Variants in KIRREL3 observed in about 807,000 individuals in gnomAD.
KIRREL3 encodes the protein kirre like nephrin family adhesion molecule 3.
KIRREL3 carries 36 observed loss-of-function variants against 89.7 expected under a neutral mutation model. The observed-to-expected ratio is 0.40, with a 90% CI of 0.31 to 0.53. The LOEUF is 0.53. KIRREL3 is among the 20% of genes least tolerant of loss of function. KIRREL3 has a pLI of 0.49. For synonymous variants in KIRREL3, 445 were observed against 441.4 expected (o/e 1.01, Z -0.10); for missense variants, 864 against 1,056.6 (o/e 0.82, Z 2.53).
rs532476603 is a variant in KIRREL3 at position 126,917,838 on chromosome 11, C to T, written c.55+82617G>A. Among the ~76,000 whole-genome samples the T allele has an allele frequency of 3.3e-4, 51 of 152,300 alleles. No homozygotes were observed. The highest frequency in any genetic ancestry group is 1.1e-3 in the African/African-American group (46 of 41,566). On this transcript the variant is annotated intron_variant, in intron 1 of 16. Coordinates refer to ENST00000525144, the MANE Select transcript of KIRREL3 (RefSeq NM_032531.4). This position sits in a 1 kb window ranked among gnomAD's most constrained non-coding sequence, Gnocchi z 5.0. ...GAATTGAGGTGGCGTTTCTGAAGAA[C>T]GAGATGGTAAAAACAGTGGCATTTC...
rs994205631 is a variant in KIRREL3, at chr11:126,709,891, T to C, written c.56-146979A>G. Among the ~76,000 whole-genome samples, 7 of 152,084 alleles carry C rather than the reference T, an allele frequency of 4.6e-5. No individual in the cohort carries two copies. The highest frequency in any genetic ancestry group is 1.0e-4 in the Non-Finnish European group (7 of 68,024). ...GAGGCTGAGCACTGGGGCACGAGGG[T>C]AGGTAATGATGTGAGCTACCTTACT... On this transcript the variant is annotated intron_variant, in intron 1 of 16. Coordinates refer to ENST00000525144, the MANE Select transcript of KIRREL3 (RefSeq NM_032531.4). The surrounding 1 kb of genome is among the most constrained non-coding windows in gnomAD (Gnocchi z 4.0).
Position 126,709,032 on chromosome 11 carries a change from G to A in KIRREL3, c.56-146120C>T, listed in dbSNP as rs1947651830. Reference sequence around the variant, plus strand: ...GGACAGCTTGTGTTATCACGGCCAGGTGGATCTTTCTAGAACACCAAGCTC... The same window carrying A: ...GGACAGCTTGTGTTATCACGGCCAGATGGATCTTTCTAGAACACCAAGCTC... On this transcript the variant is annotated intron_variant, in intron 1 of 16. Transcript: ENST00000525144. The surrounding 1 kb of genome is among the most constrained non-coding windows in gnomAD (Gnocchi z 4.0). Among the ~76,000 whole-genome samples, 1 of 152,308 alleles carries A rather than the reference G, an allele frequency of 6.6e-6. No individual in the cohort carries two copies. The highest frequency in any genetic ancestry group is 2.1e-4 in the South Asian group (1 of 4,822).
Position 126,748,185 on chromosome 11 carries a change from G to T in KIRREL3, c.56-185273C>A, listed in dbSNP as rs1328694615. Among the ~76,000 whole-genome samples, 2 of 152,140 alleles carry T rather than the reference G, an allele frequency of 1.3e-5. No homozygotes were observed. The highest frequency in any genetic ancestry group is 2.9e-5 in the Non-Finnish European group (2 of 68,038). ...GGTGGCCCAGGGCCCATCATTTGGG[G>T]GCAAGAAGCTGCCTGGATGCTTTCT... On this transcript the variant is annotated intron_variant, in intron 1 of 16. Transcript: ENST00000525144. The surrounding 1 kb of genome is among the most constrained non-coding windows in gnomAD (Gnocchi z 4.6).
At chr11:126,893,543 A>G (rs997685220) in intron 1 of KIRREL3, among the ~76,000 whole-genome samples, 6 of 152,236 alleles carry the variant, frequency 3.9e-5, no homozygotes, top group African/African-American at 1.4e-4. Context: ...AAACGGAAAC[A>G]TTGAACCGGC....
intron 1 of KIRREL3, among the ~76,000 whole-genome samples, chr11:126,663,396 A>G (rs2135024824): frequency 6.6e-6 from 1 of 152,092 alleles, no homozygotes; most frequent in East Asian, 1.9e-4. Context: ...CATGTTAGCC[A>G]GGATGGTCTC....
In KIRREL3 at chr11:126,607,403, G is replaced by C. The variant is rs563975236; in HGVS notation, c.56-44491C>G. On this transcript the variant is annotated intron_variant, in intron 1 of 16. Coordinates refer to ENST00000525144, the MANE Select transcript of KIRREL3 (RefSeq NM_032531.4). The surrounding 1 kb of genome is among the most constrained non-coding windows in gnomAD (Gnocchi z 6.6). ...CTGGGAGAGGAAGGGCTGGAGGAGA[G>C]ATCAGGAAGGAGAGATCCACATCTG... Among the ~76,000 whole-genome samples the C allele has an allele frequency of 2.0e-3, 303 of 152,214 alleles. No homozygotes were observed. The highest frequency in any genetic ancestry group is 3.4e-3 in the Non-Finnish European group (231 of 68,012).
At chr11:126,681,763 C>T (rs1946467981) in intron 1 of KIRREL3, 1 of 389,396 alleles carries the variant, frequency 2.6e-6, no homozygotes, top group Non-Finnish European at 5.1e-6. Flanking sequence ...TAACTCCACT[C>T]CCATTCTCTT....
Position 126,928,534 on chromosome 11 carries a change from T to C in KIRREL3, c.55+71921A>G, listed in dbSNP as rs181973013. 4.6e-5 allele frequency among the ~76,000 whole-genome samples: 7 copies of C among 152,180 alleles called. No homozygotes were observed. The East Asian group carries it at 1.2e-3, about 25-fold the overall frequency. On this transcript the variant is annotated intron_variant, in intron 1 of 16. Coordinates refer to ENST00000525144, the MANE Select transcript of KIRREL3 (RefSeq NM_032531.4). ...AAAGAGGCCCTGCAGGCGGACACTG[T>C]CATGAGCTGGAGGCTGAAGCCTGGG...
Position 126,605,759 on chromosome 11 carries a change from G to C in KIRREL3, c.56-42847C>G, listed in dbSNP as rs998269522. ...GGATGCTGGGAGTGGGAATGGGGTGGGGAAAGCATGGGGCATATGGGTAGA... is the reference window on the plus strand; with the variant it reads ...GGATGCTGGGAGTGGGAATGGGGTGCGGAAAGCATGGGGCATATGGGTAGA... On this transcript the variant is annotated intron_variant, in intron 1 of 16. Coordinates refer to ENST00000525144, the MANE Select transcript of KIRREL3 (RefSeq NM_032531.4). This position sits in a 1 kb window ranked among gnomAD's most constrained non-coding sequence, Gnocchi z 5.7. 3.9e-5 allele frequency among the ~76,000 whole-genome samples: 6 copies of C among 152,226 alleles called. No individual in the cohort carries two copies. Among genetic ancestry groups the C allele is most frequent in the African/African-American group, 1.4e-4 (6 of 41,458 alleles).
intron 2 of KIRREL3, among the ~76,000 whole-genome samples, chr11:126,529,826 C>T (rs1555138301): frequency 6.7e-6 from 1 of 149,872 alleles, no homozygotes; most frequent in Non-Finnish European, 1.5e-5. Flanking sequence ...ACATTTGAGT[C>T]ACTATAATTA....
rs1362895197 is a variant in KIRREL3, at chr11:126,607,532, T to C, written c.56-44620A>G. ...TCAGGAGCAGGAACTGGGCTCCCGC[T>C]GGAGAGAAGCAGCGCTCCACGTTCA... On this transcript the variant is annotated intron_variant, in intron 1 of 16. Transcript: ENST00000525144. The surrounding 1 kb of genome is among the most constrained non-coding windows in gnomAD (Gnocchi z 6.6). Among the ~76,000 whole-genome samples, 1 of 152,114 alleles carries C rather than the reference T, an allele frequency of 6.6e-6. No homozygotes were observed. Among genetic ancestry groups the C allele is most frequent in the Non-Finnish European group, 1.5e-5 (1 of 67,998 alleles).
Position 126,601,821 on chromosome 11 carries a change from G to A in KIRREL3, c.56-38909C>T, listed in dbSNP as rs78303067. On this transcript the variant is annotated intron_variant, in intron 1 of 16. Coordinates refer to ENST00000525144, the MANE Select transcript of KIRREL3 (RefSeq NM_032531.4). The surrounding 1 kb of genome is among the most constrained non-coding windows in gnomAD (Gnocchi z 5.8). Reference sequence around the variant, plus strand: ...ATTTCTAGGAGCTCCATTCCCTCGTGCCATCTCCCGTTTTTAAGGACTGGA... The same window carrying A: ...ATTTCTAGGAGCTCCATTCCCTCGTACCATCTCCCGTTTTTAAGGACTGGA... Among the ~76,000 whole-genome samples the A allele has an allele frequency of 6.6e-6, 1 of 152,270 alleles. No individual in the cohort carries two copies. Among genetic ancestry groups the A allele is most frequent in the East Asian group, 1.9e-4 (1 of 5,176 alleles).
At chr11:126,732,600 A>G (rs542628514) in intron 1 of KIRREL3, among the ~76,000 whole-genome samples, 2 of 152,348 alleles carry the variant, frequency 1.3e-5, no homozygotes, top group African/African-American at 4.8e-5. Flanking sequence ...ACAGTGAGAG[A>G]GTGACTGTTT....
At position 126,578,547 on chromosome 11, in the gene KIRREL3, C is replaced by T. The variant is rs1163167154; in HGVS notation, c.56-15635G>A. 6.6e-6 allele frequency among the ~76,000 whole-genome samples: 1 copy of T among 152,126 alleles called. No individual in the cohort carries two copies. Among genetic ancestry groups the T allele is most frequent in the Admixed American group, 6.5e-5 (1 of 15,280 alleles). On this transcript the variant is annotated intron_variant, in intron 1 of 16. Coordinates refer to ENST00000525144, the MANE Select transcript of KIRREL3 (RefSeq NM_032531.4). This position sits in a 1 kb window ranked among gnomAD's most constrained non-coding sequence, Gnocchi z 4.9. ...TGTGGCGTGTCCCTGTGGGTGGACA[C>T]ATTGTGAACAGTAAGTATCATGAAT...
chr11:126,545,417 G>T (rs1399453371), intron 2 of KIRREL3, among the ~76,000 whole-genome samples: 1 of 152,078 alleles, frequency 6.6e-6, no homozygotes, highest in South Asian at 2.1e-4. Flanking sequence ...GGGGTGGGAG[G>T]TGTTCAGTCT....
intron 2 of KIRREL3, among the ~76,000 whole-genome samples, chr11:126,540,346 G>A (rs1471700046): frequency 6.6e-6 from 1 of 152,192 alleles, no homozygotes; most frequent in Non-Finnish European, 1.5e-5. Context: ...ATGAGGGGGT[G>A]GAAAGTCTGA....
At position 126,909,943 on chromosome 11, in the gene KIRREL3, G is replaced by A. The variant is rs1311954380; in HGVS notation, c.55+90512C>T. 6.6e-6 allele frequency among the ~76,000 whole-genome samples: 1 copy of A among 152,116 alleles called. No individual in the cohort carries two copies. Among genetic ancestry groups the A allele is most frequent in the African/African-American group, 2.4e-5 (1 of 41,416 alleles). On this transcript the variant is annotated intron_variant, in intron 1 of 16. Coordinates refer to ENST00000525144, the MANE Select transcript of KIRREL3 (RefSeq NM_032531.4). This position sits in a 1 kb window ranked among gnomAD's most constrained non-coding sequence, Gnocchi z 4.5. ...ACCCTGTATTAACTGAAGATGACAG[G>A]GAGCGAGGGATGGAAAGCGGGCAAT...
Position 126,652,885 on chromosome 11 carries a change from G to T in KIRREL3, c.56-89973C>A, listed in dbSNP as rs1217006283. On this transcript the variant is annotated intron_variant, in intron 1 of 16. Coordinates refer to ENST00000525144, the MANE Select transcript of KIRREL3 (RefSeq NM_032531.4). The surrounding 1 kb of genome is among the most constrained non-coding windows in gnomAD (Gnocchi z 4.9). ...CCTCACTGGTCCTCTGTTGCCAGTA[G>T]AAAAAGCCCTACAAGGATTAATGCA... 1 of 152,152 alleles carries T rather than the reference G, an allele frequency of 6.6e-6. No individual in the cohort carries two copies. The highest frequency in any genetic ancestry group is 1.9e-4 in the East Asian group (1 of 5,190). The allele number at this position is 152,152 out of a possible 1,614,324, so 9.4% of individuals were successfully genotyped here.
At position 126,737,266 on chromosome 11, in the gene KIRREL3, G is replaced by T. The variant is rs3862643; in HGVS notation, c.56-174354C>A. Among the ~76,000 whole-genome samples the T allele has an allele frequency of 4.6e-5, 7 of 151,894 alleles. No homozygotes were observed. The South Asian group carries it at 1.0e-3, about 23-fold the overall frequency. ...GGGATGGGGCCTGGGGCTCAGGAAG[G>T]GGGCAGGGAGGAGCAGGGATGCACC... On this transcript the variant is annotated intron_variant, in intron 1 of 16. Coordinates refer to ENST00000525144, the MANE Select transcript of KIRREL3 (RefSeq NM_032531.4).
Sources: allele counts gnomAD v4.1 joint callset (sites outside exome capture counted in the v4.1 genomes callset), GRCh38; gene constraint gnomAD v4.1.1; non-coding constraint Gnocchi (gnomAD v3.1); transcripts MANE v1.5; gene names NCBI Gene and HGNC (gene_info 2026-07-23, HGNC 2026-07-21).